RABGAP1L: variants seen among roughly 807,000 people sequenced by gnomAD.
RABGAP1L encodes RAB GTPase activating protein 1 like, also known as rab GTPase-activating protein 1-like.
RABGAP1L carries 63 observed loss-of-function variants against 137.7 expected under a neutral mutation model. That is an observed-to-expected ratio of 0.46 (90% CI 0.37 to 0.56). The LOEUF is 0.56. Among genes scored for constraint, RABGAP1L ranks in the 20% least tolerant of loss-of-function variants. The pLI is 0.00. For synonymous variants in RABGAP1L, 431 were observed against 433.7 expected (o/e 0.99, Z 0.08); for missense variants, 1,095 against 1,244.0 (o/e 0.88, Z 1.80).
In RABGAP1L at chr1:174,591,433, A is replaced by G. The variant is rs1326719175; in HGVS notation, c.1711-45942A>G. Among the ~76,000 whole-genome samples, 20 of 16,276 alleles carry G rather than the reference A, an allele frequency of 1.2e-3. 1 individual carries two copies. Among genetic ancestry groups the G allele is most frequent in the Middle Eastern group, 0.017 (1 of 58 alleles). The allele number at this position is 16,276 out of a possible 152,430, so 10.7% of individuals were successfully genotyped here. A position where few individuals can be genotyped will look rare whatever the true frequency, so the allele number is the denominator to read the frequency against. ...GGACATGAAGTCCTTGCCCACGCCT[A>G]TGTCCTGAATGGTAATGCCTAGGTT... On this transcript the variant is annotated intron_variant, in intron 13 of 25. Coordinates refer to ENST00000681986, the MANE Select transcript of RABGAP1L (RefSeq NM_001366446.1).
intron 13 of RABGAP1L, among the ~76,000 whole-genome samples, chr1:174,604,085 C>T (rs1479470466): frequency 2.0e-5 from 3 of 151,984 alleles, no homozygotes; most frequent in East Asian, 1.9e-4. Flanking sequence ...ACCCCATGTC[C>T]TCTGGCTCAG....
Position 174,957,544 on chromosome 1 carries a change from T to C in RABGAP1L, c.2428T>C (p.Tyr810His). Residue 810 changes from tyrosine (Y) to histidine (H), a missense_variant, in exon 20 of 26, where the codon TAC (tyrosine) becomes CAC (histidine). Physicochemically the swap from Tyr to His is moderately conservative, Grantham distance 83 (BLOSUM62 2). Transcript: ENST00000681986. ...QLQQEDPMDR[Y>H]KRENRRLQEA... ...GCAACAGGAAGACCCAATGGATAGA[T>C]ACAAGGTATGAGAAATATGTTGCAC... 1 of 1,600,982 alleles carries C rather than the reference T, an allele frequency of 6.2e-7. No homozygotes were observed. Among genetic ancestry groups the C allele is most frequent in the South Asian group, 1.1e-5 (1 of 90,760 alleles).
At position 174,991,640 on chromosome 1, in the gene RABGAP1L, T is replaced by G. The variant is rs1672060564; in HGVS notation, c.*1639T>G. The G allele has an allele frequency of 6.6e-6, 1 of 152,250 alleles. No homozygotes were observed. The highest frequency in any genetic ancestry group is 1.5e-5 in the Non-Finnish European group (1 of 68,042). The allele number at this position is 152,250 out of a possible 1,614,324, so 9.4% of individuals were successfully genotyped here. ...TATACTCATCAGATAATACTTTTCTTACATAAATCTTTCATTGTTGTTCTG... is the reference window on the plus strand; with the variant it reads ...TATACTCATCAGATAATACTTTTCTGACATAAATCTTTCATTGTTGTTCTG... On this transcript the variant is annotated 3_prime_UTR_variant, in exon 26 of 26. Transcript: ENST00000681986.
chr1:174,610,047 T>G (rs1022950409), intron 13 of RABGAP1L, among the ~76,000 whole-genome samples: 8 of 150,914 alleles, frequency 5.3e-5, no homozygotes, highest in African/African-American at 1.9e-4. Flanking sequence ...TTTTTTCTTT[T>G]TTTAAATTTA....
intron 25 of RABGAP1L, among the ~76,000 whole-genome samples, chr1:174,989,069 T>C (rs1457514625): frequency 1.3e-5 from 2 of 152,196 alleles, no homozygotes; most frequent in African/African-American, 4.8e-5. Context: ...CTTATGGGAA[T>C]TTAATTAAGC....
At chr1:174,378,307 G>T (rs948586454) in intron 12 of RABGAP1L, among the ~76,000 whole-genome samples, 3 of 151,642 alleles carry the variant, frequency 2.0e-5, no homozygotes, top group African/African-American at 7.3e-5. Context: ...ACCGAGTAAT[G>T]GGATGGCTGG....
At chr1:174,602,709 G>A (rs1251386995) in intron 13 of RABGAP1L, among the ~76,000 whole-genome samples, 1 of 151,814 alleles carries the variant, frequency 6.6e-6, no homozygotes, top group Non-Finnish European at 1.5e-5. Flanking sequence ...TCTTCTTCTT[G>A]ATCAGTTCGA....
rs1340038107 is a variant in RABGAP1L at position 174,610,582 on chromosome 1, G to T, written c.1711-26793G>T. On this transcript the variant is annotated intron_variant, in intron 13 of 25. Transcript: ENST00000681986. Reference sequence around the variant, plus strand: ...TGGGTATATACCCAGTAATGGGATGGCTGGGTCAAATGGTATTTCTAGTTC... The same window carrying T: ...TGGGTATATACCCAGTAATGGGATGTCTGGGTCAAATGGTATTTCTAGTTC... Among the ~76,000 whole-genome samples, 3 of 152,048 alleles carry T rather than the reference G, an allele frequency of 2.0e-5. 1 individual carries two copies. The highest frequency in any genetic ancestry group is 2.0e-4 in the Admixed American group (3 of 15,262).
chr1:174,689,467 G>T (rs1176387386), intron 15 of RABGAP1L, among the ~76,000 whole-genome samples: 1 of 152,066 alleles, frequency 6.6e-6, no homozygotes, highest in Non-Finnish European at 1.5e-5. Flanking sequence ...CACATGATTG[G>T]ACTGCAGAGT....
chr1:174,564,543 G>A (rs1358405623), intron 13 of RABGAP1L, among the ~76,000 whole-genome samples: 1 of 152,126 alleles, frequency 6.6e-6, no homozygotes, highest in Non-Finnish European at 1.5e-5. Flanking sequence ...AAAGTAGGCT[G>A]CCAGGGTTAA....
chr1:174,486,080 G>A (rs1448294868), intron 13 of RABGAP1L, among the ~76,000 whole-genome samples: 1 of 151,900 alleles, frequency 6.6e-6, no homozygotes, highest in Non-Finnish European at 1.5e-5. Flanking sequence ...CTATATCTAG[G>A]AATTTATACA....
chr1:174,859,512 C>T (rs1649893893), intron 19 of RABGAP1L, among the ~76,000 whole-genome samples: 1 of 137,450 alleles, frequency 7.3e-6, no homozygotes, highest in South Asian at 2.4e-4. Context: ...TACATATATA[C>T]CATGGAATGC....
intron 15 of RABGAP1L, among the ~76,000 whole-genome samples, chr1:174,697,247 G>A (rs1261680945): frequency 6.6e-6 from 1 of 152,032 alleles, no homozygotes; most frequent in Non-Finnish European, 1.5e-5. Context: ...GACATCAGAT[G>A]GTAAGACATT....
chr1:174,798,659 G>A (rs937541153), intron 18 of RABGAP1L, among the ~76,000 whole-genome samples: 1 of 152,014 alleles, frequency 6.6e-6, no homozygotes, highest in Non-Finnish European at 1.5e-5. Context: ...CAATAAATAT[G>A]TTTCTATTTG....
intron 13 of RABGAP1L, among the ~76,000 whole-genome samples, chr1:174,608,541 A>G (rs1243695380): frequency 6.6e-6 from 1 of 152,212 alleles, no homozygotes; most frequent in East Asian, 1.9e-4. Flanking sequence ...GATGATCTGT[A>G]TAGATGAGCA....
intron 3 of RABGAP1L, among the ~76,000 whole-genome samples, chr1:174,225,669 T>C (rs1401893649): frequency 6.6e-6 from 1 of 152,076 alleles, no homozygotes; most frequent in East Asian, 1.9e-4. Context: ...AGTTAGGGGA[T>C]TATCTTCTTC....
intron 1 of RABGAP1L, among the ~76,000 whole-genome samples, chr1:174,167,911 G>T (rs754399630): frequency 1.3e-5 from 2 of 152,124 alleles, no homozygotes; most frequent in East Asian, 3.8e-4. Flanking sequence ...AGGAATAGTT[G>T]TTAGAATGGT....
intron 23 of RABGAP1L, among the ~76,000 whole-genome samples, chr1:174,981,711 T>G (rs914431892): frequency 2.0e-5 from 3 of 151,960 alleles, no homozygotes; most frequent in African/African-American, 7.2e-5. Flanking sequence ...TAAAAGATTC[T>G]TATTTCAGAC....
intron 1 of RABGAP1L, among the ~76,000 whole-genome samples, chr1:174,172,176 TTG>T (rs34345014): frequency 0.3 from 37,068 of 123,096 alleles, 6,207 homozygotes; most frequent in Admixed American, 0.39. Flanking sequence ...TAATATTCCC[TTG>T]TGTGTGTGTG....
Sources: allele counts gnomAD v4.1 joint callset (sites outside exome capture counted in the v4.1 genomes callset), GRCh38; gene constraint gnomAD v4.1.1; transcripts MANE v1.5; gene names NCBI Gene and HGNC (gene_info 2026-07-23, HGNC 2026-07-21).